The following CELSR2 variants were observed in gnomAD, a reference collection of about 807,000 sequenced individuals.
CELSR2 encodes EGF-like protein 2.
Under a neutral mutation model 251.6 loss-of-function variants are expected in CELSR2, and 81 were observed. That is an observed-to-expected ratio of 0.32 (90% CI 0.27 to 0.39). CELSR2 has a LOEUF of 0.39. Ranked by LOEUF, CELSR2 falls within the 10% of genes least tolerant of loss-of-function variation. The pLI, the probability that CELSR2 is intolerant of heterozygous loss-of-function variation, is 1.00. For synonymous variants in CELSR2, 1,721 were observed against 1,670.5 expected, an observed-to-expected ratio of 1.03 and a Z score of -0.74; for missense variants, 3,365 against 3,947.7, an observed-to-expected ratio of 0.85 and a Z score of 3.96.
In CELSR2 at chr1:109,268,598, C is replaced by T; in HGVS notation, c.6336C>T (p.Gly2112=). The T allele has an allele frequency of 1.9e-6, 3 of 1,611,412 alleles. No individual in the cohort carries two copies. Among genetic ancestry groups the T allele is most frequent in the Non-Finnish European group, 1.7e-6 (2 of 1,178,624 alleles). ...VHFTENLLRV[G]SALLDTANKR... The stretch of plus-strand genomic sequence containing the variant: ...CACCCCAGAATCTGCTGCGGGTGGG[C>T]AGCGCCCTCCTGGACACAGCCAACA... Residue 2112 remains glycine, a synonymous_variant, in exon 18 of 34, where the codon GGC becomes GGT. Coordinates refer to ENST00000271332, the MANE Select transcript of CELSR2 (RefSeq NM_001408.3).
At chr1:109,272,153 C>T in intron 28 of CELSR2, 125 bp from the exon 29 acceptor site, 1 of 1,260,230 alleles carries the variant, frequency 7.9e-7, no homozygotes, top group Non-Finnish European at 1.1e-6. Context: ...GAAGCAGGGC[C>T]CTCTCTTTCA....
In CELSR2 at chr1:109,249,984, G is replaced by A. The variant is rs534786417; in HGVS notation, c.-96G>A. 1,617 of 1,153,968 alleles carry A rather than the reference G, an allele frequency of 1.4e-3. 9 individuals are homozygous for A. The African/African-American group carries it at 0.019, about 14-fold the overall frequency. The allele number at this position is 1,153,968 out of a possible 1,614,324, so 71.5% of individuals were successfully genotyped here. A position where few individuals can be genotyped will look rare whatever the true frequency, so the allele number is the denominator to read the frequency against. The stretch of plus-strand genomic sequence containing the variant: ...GCACGGGAGGCCCCCGGGGACTGGC[G>A]CCCTGGCCCGGGCATGAGGCGCGGC... On this transcript the variant is annotated 5_prime_UTR_variant, in exon 1 of 34. Coordinates refer to ENST00000271332, the MANE Select transcript of CELSR2 (RefSeq NM_001408.3).
intron 28 of CELSR2, among the ~76,000 whole-genome samples, 167 bp downstream of exon 28, chr1:109,271,889 AG>A (rs1285230282): frequency 6.6e-6 from 1 of 152,196 alleles, no homozygotes; most frequent in Non-Finnish European, 1.5e-5. Context: ...GATGTTGGAA[AG>A]GGTGTGTAGG....
rs1341565362 is a variant in CELSR2 at position 109,269,361 on chromosome 1, C to T, written c.6813-63C>T. On this transcript the variant is annotated intron_variant, in intron 20 of 33. Transcript: ENST00000271332. The surrounding 1 kb of genome is among the most constrained non-coding windows in gnomAD (Gnocchi z 6.4). ...GTGAGTGCTGAGGCATGGAGGGGGT[C>T]GGGGGCGTCTCCCCAGTCATGTGAC... 1.9e-5 allele frequency: 30 copies of T among 1,608,222 alleles called. No homozygotes were observed. The highest frequency in any genetic ancestry group is 1.7e-4 in the Middle Eastern group (1 of 6,052).
chr1:109,251,550 G>A lies in CELSR2; in HGVS notation c.1471G>A (p.Val491Met), dbSNP rs1374958724. Residue 491 changes from valine (V) to methionine (M), a missense_variant, in exon 1 of 34, where the codon GTG becomes ATG. Around this residue, in one of 5 missense-constraint regions of CELSR2, gnomAD observed 704 missense variants for 784.1 expected, o/e 0.90. Coordinates refer to ENST00000271332, the MANE Select transcript of CELSR2 (RefSeq NM_001408.3). The surrounding 1 kb of genome is among the most constrained non-coding windows in gnomAD (Gnocchi z 4.9). The part of the protein sequence containing the change: ...RPPLSNVSGL[V>M]TVQVLDINDN... ...CCCACTCTCTAATGTCTCTGGCTTG[G>A]TGACAGTACAGGTCCTGGATATCAA... The A allele has an allele frequency of 2.4e-5, 38 of 1,613,558 alleles. No homozygotes were observed. The highest frequency in any genetic ancestry group is 3.0e-5 in the Non-Finnish European group (35 of 1,180,022).
intron 8 of CELSR2, 115 bp from the exon 9 acceptor site, chr1:109,263,496 G>C (rs1421922757): frequency 6.8e-7 from 1 of 1,461,760 alleles, no homozygotes; most frequent in Non-Finnish European, 9.3e-7. Context: ...TTGGAGGGCG[G>C]GGCTGATGAG....
chr1:109,265,644 C>A, intron 13 of CELSR2, 91 bp from the exon 14 acceptor site: 17 of 1,484,606 alleles, frequency 1.1e-5, no homozygotes, highest in Non-Finnish European at 1.6e-5. Context: ...GAGGTCGGGA[C>A]CCTCTCCACA....
In CELSR2 at chr1:109,249,766, A is replaced by G. The variant is rs1655620040; in HGVS notation, c.-314A>G. Among the ~76,000 whole-genome samples the G allele has an allele frequency of 6.7e-6, 1 of 149,346 alleles. No individual in the cohort carries two copies. Among genetic ancestry groups the G allele is most frequent in the Admixed American group, 6.6e-5 (1 of 15,042 alleles). ...CGGCTCCGGAACCCGGGGCCCGGCA[A>G]GGCCAGGGGCGCCGCGGGGCCCCCG... On this transcript the variant is annotated 5_prime_UTR_variant, in exon 1 of 34. Coordinates refer to ENST00000271332, the MANE Select transcript of CELSR2 (RefSeq NM_001408.3).
Position 109,264,088 on chromosome 1 carries a change from G to A in CELSR2, c.5012G>A (p.Gly1671Asp). The change falls in exon 10 of 34, where the codon GGC (glycine) becomes GAC (aspartate). Residue 1671 changes from glycine (G) to aspartate (D), a missense_variant. Physicochemically the swap from Gly to Asp is moderately conservative, Grantham distance 94. Around this residue, in one of 5 missense-constraint regions of CELSR2, gnomAD observed 2,093 missense variants for 2,382.8 expected, o/e 0.88. Coordinates refer to ENST00000271332, the MANE Select transcript of CELSR2 (RefSeq NM_001408.3). ...RSTITLQLREGHVMLSVEGTG... is the reference protein window; with the variant it reads ...RSTITLQLREDHVMLSVEGTG... Reference sequence around the variant, plus strand: ...TCCTCCTGGTGTCAGCTACGAGAGGGCCACGTGATGCTGAGCGTGGAGGGC... The same window carrying A: ...TCCTCCTGGTGTCAGCTACGAGAGGACCACGTGATGCTGAGCGTGGAGGGC... 1 of 1,579,364 alleles carries A rather than the reference G, an allele frequency of 6.3e-7. No individual in the cohort carries two copies. The highest frequency in any genetic ancestry group is 8.6e-7 in the Non-Finnish European group (1 of 1,156,918).
rs760551249 is a variant in CELSR2 at position 109,252,123 on chromosome 1, G to A, written c.2044G>A (p.Val682Met). The stretch of plus-strand genomic sequence containing the variant: ...GGACTACAAACTTGAGCGGCAGTAT[G>A]TGTTGGCTGTTACCGCCTCCGATGG... ...PLDYKLERQY[V>M]LAVTASDGTR... Residue 682 changes from valine to methionine, a missense_variant, in exon 1 of 34, where the codon GTG (valine) becomes ATG (methionine). Coordinates refer to ENST00000271332, the MANE Select transcript of CELSR2 (RefSeq NM_001408.3). This position sits in a 1 kb window ranked among gnomAD's most constrained non-coding sequence, Gnocchi z 4.8. 5.6e-6 allele frequency: 9 copies of A among 1,613,976 alleles called. No homozygotes were observed. The highest frequency in any genetic ancestry group is 1.1e-5 in the South Asian group (1 of 91,090).
intron 16 of CELSR2, 98 bp from the exon 17 acceptor site, chr1:109,267,753 C>T: frequency 6.4e-7 from 1 of 1,559,388 alleles, no homozygotes; most frequent in Admixed American, 1.8e-5. Context: ...CTGTGTGTTC[C>T]TGGGCTCCCA....
chr1:109,262,490 C>A, intron 6 of CELSR2, 46 bp downstream of exon 6: 2 of 1,599,406 alleles, frequency 1.3e-6, no homozygotes, highest in Non-Finnish European at 1.7e-6. Context: ...GAGGGCAGGG[C>A]CAGGCAGGGA....
chr1:109,263,527 G>A (rs764414256), intron 8 of CELSR2, 84 bp from the exon 9 acceptor site: 1,216 of 1,544,650 alleles, frequency 7.9e-4, no homozygotes, highest in Non-Finnish European at 9.9e-4. Flanking sequence ...TCTGCCTCCC[G>A]TGCAGCCGCC....
intron 1 of CELSR2, 100 bp from the exon 2 acceptor site, chr1:109,258,332 A>T: frequency 3.7e-6 from 3 of 803,284 alleles, no homozygotes; most frequent in South Asian, 1.9e-5. Context: ...CAGCACCCTT[A>T]TGCCAGTTGG....
At position 109,252,624 on chromosome 1, in the gene CELSR2, A is replaced by T. The variant is rs780762006; in HGVS notation, c.2545A>T (p.Arg849Trp). 5.0e-6 allele frequency: 8 copies of T among 1,613,794 alleles called. No homozygotes were observed. The highest frequency in any genetic ancestry group is 1.7e-5 in the Admixed American group (1 of 60,008). ...ATDRDSGLNG[R>W]VFYTFQGGDD... ...TGATCGTGATTCTGGACTTAATGGC[A>T]GGGTCTTCTACACCTTCCAAGGAGG... Residue 849 changes from arginine to tryptophan, a missense_variant, in exon 1 of 34, where the codon AGG becomes TGG. Arg to Trp is a moderately radical substitution (Grantham distance 101). Around this residue, in one of 5 missense-constraint regions of CELSR2, gnomAD observed 505 missense variants for 660.0 expected, o/e 0.77. Coordinates refer to ENST00000271332, the MANE Select transcript of CELSR2 (RefSeq NM_001408.3). The surrounding 1 kb of genome is among the most constrained non-coding windows in gnomAD (Gnocchi z 4.8).
chr1:109,258,341 G>T, intron 1 of CELSR2, 91 bp from the exon 2 acceptor site: 1 of 904,828 alleles, frequency 1.1e-6, no homozygotes, highest in Non-Finnish European at 1.7e-6. Flanking sequence ...TATGCCAGTT[G>T]GAAAGGAGAG....
chr1:109,263,873 G>T, intron 9 of CELSR2, 96 bp downstream of exon 9: 1 of 1,485,868 alleles, frequency 6.7e-7, no homozygotes, highest in South Asian at 1.3e-5. Context: ...TCCTGGGCAG[G>T]GGTGGGGACA....
rs149911274 is a variant in CELSR2 at position 109,251,176 on chromosome 1, C to T, written c.1097C>T (p.Thr366Met). 1.9e-5 allele frequency: 31 copies of T among 1,613,478 alleles called. No individual in the cohort carries two copies. The highest frequency in any genetic ancestry group is 1.7e-4 in the African/African-American group (13 of 75,016). ...GAAGAGGTGGAATCCTACCAGCTGA[C>T]GGTAGAGGCAAGTGACCAGGGTCGG... ...DREEVESYQL[T>M]VEASDQGRDP... Residue 366 changes from threonine (T) to methionine (M), a missense_variant, in exon 1 of 34, where the codon ACG (threonine) becomes ATG (methionine). Around this residue, in one of 5 missense-constraint regions of CELSR2, gnomAD observed 704 missense variants for 784.1 expected, o/e 0.90. Coordinates refer to ENST00000271332, the MANE Select transcript of CELSR2 (RefSeq NM_001408.3). The surrounding 1 kb of genome is among the most constrained non-coding windows in gnomAD (Gnocchi z 4.9).
At chr1:109,265,960 G>T in intron 14 of CELSR2, 42 bp downstream of exon 14, 1 of 1,594,658 alleles carries the variant, frequency 6.3e-7, no homozygotes, top group Non-Finnish European at 8.6e-7. Flanking sequence ...CTTACAGTGT[G>T]CTAGGCACCT....
Sources: gnomAD v4.1 joint callset for allele counts (sites outside exome capture counted in the v4.1 genomes callset) on GRCh38, gnomAD v4.1.1 for gene constraint, gnomAD v4.1.1 regional missense constraint, Gnocchi (gnomAD v3.1) non-coding constraint, MANE v1.5 for transcripts, NCBI Gene and HGNC (gene_info 2026-07-23, HGNC 2026-07-21) for gene names.